Variants in MICU1 observed in about 807,000 individuals in gnomAD.
The protein encoded by MICU1 is mitochondrial calcium uptake 1.
Under a neutral mutation model 56.8 loss-of-function variants are expected in MICU1, and 45 were observed. That is an observed-to-expected ratio of 0.79 (90% CI 0.62 to 1.02). MICU1 has a LOEUF of 1.02. Ranked by LOEUF, MICU1 falls within the 50% of genes least tolerant of loss-of-function variation. The pLI, the probability that MICU1 is intolerant of heterozygous loss-of-function variation, is 0.00. For synonymous variants in MICU1, 186 were observed against 195.1 expected, an observed-to-expected ratio of 0.95 and a Z score of 0.39; for missense variants, 504 against 587.1, an observed-to-expected ratio of 0.86 and a Z score of 1.46.
chr10:72,560,848 C>A (rs556228161), intron 3 of MICU1, among the ~76,000 whole-genome samples: 1 of 151,700 alleles, frequency 6.6e-6, no homozygotes, highest in Non-Finnish European at 1.5e-5. Flanking sequence ...CCAGCCTGGG[C>A]GACAGACCGA....
intron 5 of MICU1, among the ~76,000 whole-genome samples, chr10:72,518,716 T>C (rs1867729633): frequency 1.3e-5 from 2 of 152,150 alleles, no homozygotes; most frequent in South Asian, 4.1e-4. Flanking sequence ...GGAGCCTCGC[T>C]CTGTTGCCCA....
At chr10:72,542,143 G>T (rs1481852302) in intron 4 of MICU1, among the ~76,000 whole-genome samples, 3 of 152,120 alleles carry the variant, frequency 2.0e-5, no homozygotes, top group African/African-American at 7.2e-5. Context: ...AATAACAGTG[G>T]TTATCTCTAA....
intron 6 of MICU1, among the ~76,000 whole-genome samples, chr10:72,500,563 C>A (rs1026641541): frequency 6.6e-6 from 1 of 151,772 alleles, no homozygotes; most frequent in African/African-American, 2.4e-5. Context: ...CTCGAATGAT[C>A]TTCCTGCCTC....
At chr10:72,449,143 A>C (rs1454819133) in intron 8 of MICU1, among the ~76,000 whole-genome samples, 2 of 152,178 alleles carry the variant, frequency 1.3e-5, no homozygotes, top group East Asian at 3.8e-4. Context: ...CATACCTGAA[A>C]TCCCAGCACT....
chr10:72,603,708 G>A (rs535844753), intron 1 of MICU1, among the ~76,000 whole-genome samples: 51 of 152,158 alleles, frequency 3.4e-4, no homozygotes, highest in African/African-American at 1.2e-3. Flanking sequence ...GGAGGCTGAG[G>A]CAGAAGAATC....
intron 4 of MICU1, among the ~76,000 whole-genome samples, chr10:72,547,365 A>C (rs1839921881): frequency 1.3e-5 from 2 of 152,034 alleles, no homozygotes; most frequent in African/African-American, 2.4e-5. Flanking sequence ...AGCTCAATGC[A>C]ATTAATGAGA....
chr10:72,374,180 G>A (rs938240512), intron 11 of MICU1, among the ~76,000 whole-genome samples: 2 of 152,244 alleles, frequency 1.3e-5, no homozygotes, highest in African/African-American at 4.8e-5. Flanking sequence ...TAGTGCAGTG[G>A]TGTGATCATG....
At chr10:72,497,135 C>G (rs1324866398) in intron 6 of MICU1, among the ~76,000 whole-genome samples, 1 of 152,026 alleles carries the variant, frequency 6.6e-6, no homozygotes, top group Non-Finnish European at 1.5e-5. Context: ...TCTCAGCTCA[C>G]TGCTACCTCT....
At chr10:72,418,422 G>A (rs1373459337) in intron 9 of MICU1, among the ~76,000 whole-genome samples, 1 of 152,088 alleles carries the variant, frequency 6.6e-6, no homozygotes, top group Non-Finnish European at 1.5e-5. Flanking sequence ...AGTATGATTA[G>A]GAGAAACAGC....
At chr10:72,604,556 AGCCAGCGTGCCCGG>A (rs1274588176) in intron 1 of MICU1, among the ~76,000 whole-genome samples, 1 of 150,690 alleles carries the variant, frequency 6.6e-6, no homozygotes, top group Non-Finnish European at 1.5e-5. Context: ...TACAGGCATG[AGCCAGCGTGCCCGG>A]CCTTCTGCCT....
intron 5 of MICU1, among the ~76,000 whole-genome samples, chr10:72,525,462 C>T (rs989709086): frequency 1.3e-5 from 2 of 152,266 alleles, no homozygotes; most frequent in African/African-American, 4.8e-5. Context: ...TGAGATGAAT[C>T]ACTGTGAACA....
chr10:72,561,709 G>A (rs533890694), intron 3 of MICU1, among the ~76,000 whole-genome samples: 2 of 152,302 alleles, frequency 1.3e-5, no homozygotes, highest in South Asian at 2.1e-4. Flanking sequence ...CTATTGGGAA[G>A]CTGAGGCAGG....
At chr10:72,596,809 G>A (rs1024784364) in intron 1 of MICU1, among the ~76,000 whole-genome samples, 2 of 151,040 alleles carry the variant, frequency 1.3e-5, no homozygotes, top group Non-Finnish European at 2.9e-5. Context: ...GGAGGCAGAG[G>A]TTGCAATGAG....
At chr10:72,599,756 A>G (rs565228194) in intron 1 of MICU1, among the ~76,000 whole-genome samples, 18 of 151,784 alleles carry the variant, frequency 1.2e-4, no homozygotes, top group Non-Finnish European at 2.1e-4. Flanking sequence ...GGCAACTTCT[A>G]TTATGTACCA....
chr10:72,503,442 G>T (rs1303137354), intron 6 of MICU1, among the ~76,000 whole-genome samples: 1 of 152,130 alleles, frequency 6.6e-6, no homozygotes, highest in African/African-American at 2.4e-5. Flanking sequence ...GCTGGGGGAG[G>T]GTGTAGGCTG....
At chr10:72,472,602 GA>G (rs1163403454) in intron 8 of MICU1, among the ~76,000 whole-genome samples, 2 of 149,776 alleles carry the variant, frequency 1.3e-5, no homozygotes, top group Non-Finnish European at 3.0e-5. Flanking sequence ...ATTTAGTTAA[GA>G]AAAAAAAAGA....
intron 1 of MICU1, among the ~76,000 whole-genome samples, chr10:72,590,643 C>T (rs1349887395): frequency 6.6e-6 from 1 of 151,862 alleles, no homozygotes; most frequent in Non-Finnish European, 1.5e-5. Context: ...GAAACCCCGT[C>T]TCTACTAAAA....
At chr10:72,437,112 A>G (rs11510963) in intron 8 of MICU1, among the ~76,000 whole-genome samples, 98,498 of 152,016 alleles carry the variant, frequency 0.65, 33,087 homozygotes, top group African/African-American at 0.77. Context: ...CACCAAGGTT[A>G]AAATGAAGGA....
At chr10:72,514,366 G>T (rs1411658284) in intron 5 of MICU1, among the ~76,000 whole-genome samples, 1 of 151,718 alleles carries the variant, frequency 6.6e-6, no homozygotes, top group East Asian at 1.9e-4. Context: ...CTGTGATTGG[G>T]CTGTAATTTA....
Sources: gnomAD v4.1 joint callset for allele counts (sites outside exome capture counted in the v4.1 genomes callset) on GRCh38, gnomAD v4.1.1 for gene constraint, MANE v1.5 for transcripts, NCBI Gene and HGNC (gene_info 2026-07-23, HGNC 2026-07-21) for gene names.